SLC35F1: variants seen among roughly 807,000 people sequenced by gnomAD.
The protein encoded by SLC35F1 is chromosome 6 open reading frame 169.
Under a neutral mutation model 48.7 loss-of-function variants are expected in SLC35F1, and 14 were observed. The ratio of observed to expected loss-of-function variants is 0.29; its 90% CI spans 0.19 to 0.45. The LOEUF is 0.45. Among genes scored for constraint, SLC35F1 ranks in the 20% least tolerant of loss-of-function variants. SLC35F1 has a pLI of 1.00. For missense variants in SLC35F1, 404 were observed against 500.0 expected, an observed-to-expected ratio of 0.81 and a Z score of 1.83; for synonymous variants, 190 against 202.2, an observed-to-expected ratio of 0.94 and a Z score of 0.51.
intron 2 of SLC35F1, among the ~76,000 whole-genome samples, chr6:118,211,080 A>G (rs1774995753): frequency 6.6e-6 from 1 of 152,208 alleles, no homozygotes; most frequent in Non-Finnish European, 1.5e-5. Context: ...AGACACAGGG[A>G]CAGGACAGCC....
intron 2 of SLC35F1, 39 bp downstream of exon 2, chr6:118,154,659 A>G (rs185770023): frequency 6.5e-7 from 1 of 1,546,822 alleles, no homozygotes; most frequent in East Asian, 2.3e-5. Flanking sequence ...ACTTTTACAA[A>G]CACCTAAAAA....
rs1240008597 is a variant in SLC35F1 at position 118,194,598 on chromosome 6, G to A, written c.349+39978G>A. On this transcript the variant is annotated intron_variant, in intron 2 of 7. Transcript: ENST00000360388. The stretch of plus-strand genomic sequence containing the variant: ...AAGGTACCCCTCTTTATGACAGAAT[G>A]ACAAAGAAAGACAAATTCATATCAC... 3.9e-5 allele frequency among the ~76,000 whole-genome samples: 6 copies of A among 152,184 alleles called. No individual in the cohort carries two copies. The East Asian group carries it at 1.2e-3, about 29-fold the overall frequency.
chr6:118,169,365 A>C (rs1774366354), intron 2 of SLC35F1, among the ~76,000 whole-genome samples: 1 of 152,178 alleles, frequency 6.6e-6, no homozygotes, highest in African/African-American at 2.4e-5. Flanking sequence ...TATCTCCCAT[A>C]TATCTATGCA....
chr6:118,015,128 C>T (rs549880885), intron 1 of SLC35F1, among the ~76,000 whole-genome samples: 10 of 152,210 alleles, frequency 6.6e-5, no homozygotes, highest in South Asian at 4.2e-4. Flanking sequence ...ACATGCTTTT[C>T]GCCTTCTGCC....
In SLC35F1 at chr6:118,010,354, A is replaced by G. The variant is rs190840523; in HGVS notation, c.173+102455A>G. Among the ~76,000 whole-genome samples, 21 of 152,324 alleles carry G rather than the reference A, an allele frequency of 1.4e-4. No individual in the cohort carries two copies. In the East Asian group the frequency reaches 2.9e-3, roughly 21 times the overall value. ...TCTGTCTGCTCAGTTAGAGATGACC[A>G]TTCCTTCAATATTAATGCACTGCAA... On this transcript the variant is annotated intron_variant, in intron 1 of 7. Transcript: ENST00000360388.
intron 1 of SLC35F1, among the ~76,000 whole-genome samples, chr6:117,950,619 C>T (rs1248726485): frequency 6.6e-6 from 1 of 152,130 alleles, no homozygotes; most frequent in African/African-American, 2.4e-5. Flanking sequence ...ATGGCTCTGG[C>T]TATTGACTTA....
intron 2 of SLC35F1, among the ~76,000 whole-genome samples, chr6:118,163,257 C>T (rs906179837): frequency 6.6e-6 from 1 of 152,076 alleles, no homozygotes; most frequent in Non-Finnish European, 1.5e-5. Context: ...AGCCACCGTG[C>T]CTGGCCAATG....
intron 2 of SLC35F1, among the ~76,000 whole-genome samples, chr6:118,228,088 T>C (rs1332962647): frequency 1.3e-5 from 2 of 152,288 alleles, no homozygotes; most frequent in Admixed American, 1.3e-4. Flanking sequence ...AGCCAAAATA[T>C]CAAAGGGCTG....
intron 3 of SLC35F1, among the ~76,000 whole-genome samples, chr6:118,243,265 G>A (rs749491115): frequency 2.6e-5 from 4 of 152,100 alleles, no homozygotes; most frequent in Non-Finnish European, 5.9e-5. Context: ...TATGTCTAGA[G>A]TCTCATGTTT....
chr6:118,133,814 C>T lies in SLC35F1; in HGVS notation c.174-20631C>T, dbSNP rs570893086. Among the ~76,000 whole-genome samples, 8 of 152,324 alleles carry T rather than the reference C, an allele frequency of 5.3e-5. No individual in the cohort carries two copies. The South Asian group carries it at 1.7e-3, about 32-fold the overall frequency. ...GGTGACCATACCTGCCGTGACCTCC[C>T]TTGTCACAGTCTCTGGAACTGTGGG... On this transcript the variant is annotated intron_variant, in intron 1 of 7. Coordinates refer to ENST00000360388, the MANE Select transcript of SLC35F1 (RefSeq NM_001029858.4).
At chr6:118,232,457 A>G (rs1328703046) in intron 2 of SLC35F1, among the ~76,000 whole-genome samples, 1 of 149,598 alleles carries the variant, frequency 6.7e-6, no homozygotes, top group African/African-American at 2.5e-5. Flanking sequence ...CTGAGGCAGG[A>G]GAATCGCTTG....
At chr6:118,025,884 T>G (rs1771928525) in intron 1 of SLC35F1, among the ~76,000 whole-genome samples, 1 of 152,104 alleles carries the variant, frequency 6.6e-6, no homozygotes, top group South Asian at 2.1e-4. Flanking sequence ...AAAATAGAGG[T>G]CAGTAACACT....
chr6:118,100,240 A>G (rs1483835606), intron 1 of SLC35F1, among the ~76,000 whole-genome samples: 1 of 152,062 alleles, frequency 6.6e-6, no homozygotes, highest in Non-Finnish European at 1.5e-5. Context: ...TTATCCCTTT[A>G]TCAGGCATTC....
chr6:118,292,687 GT>G (rs11307519), intron 7 of SLC35F1, among the ~76,000 whole-genome samples: 95,179 of 144,876 alleles, frequency 0.66, 31,247 homozygotes, highest in Middle Eastern at 0.77. Context: ...TTATTTGGTT[GT>G]TTTTTTTTTT....
rs189332386 is a variant in SLC35F1, at chr6:117,983,673, C to G, written c.173+75774C>G. 1.3e-3 allele frequency among the ~76,000 whole-genome samples: 198 copies of G among 152,306 alleles called. 2 individuals carry two copies. The highest frequency in any genetic ancestry group is 1.3e-4 in the Non-Finnish European group (9 of 68,014). On this transcript the variant is annotated intron_variant, in intron 1 of 7. Coordinates refer to ENST00000360388, the MANE Select transcript of SLC35F1 (RefSeq NM_001029858.4). Reference sequence around the variant, plus strand: ...AAAAGTTTTTTCCTGATCCACAGAACTTTCCTCATTCTGACCTCACTGGCG... The same window carrying G: ...AAAAGTTTTTTCCTGATCCACAGAAGTTTCCTCATTCTGACCTCACTGGCG...
At chr6:118,190,724 A>G (rs1774721392) in intron 2 of SLC35F1, among the ~76,000 whole-genome samples, 1 of 152,176 alleles carries the variant, frequency 6.6e-6, no homozygotes, top group Non-Finnish European at 1.5e-5. Context: ...TGGGGAGGAT[A>G]ATACCAAGAG....
chr6:118,001,419 C>G (rs1777092398), intron 1 of SLC35F1, among the ~76,000 whole-genome samples: 1 of 152,254 alleles, frequency 6.6e-6, no homozygotes, highest in African/African-American at 2.4e-5. Context: ...GAAACTGGAT[C>G]CCTTCCTTAC....
At chr6:118,025,978 A>G (rs908376680) in intron 1 of SLC35F1, among the ~76,000 whole-genome samples, 1 of 152,200 alleles carries the variant, frequency 6.6e-6, no homozygotes, top group Non-Finnish European at 1.5e-5. Context: ...CATTCAACAC[A>G]TGCTTTTGGG....
chr6:118,112,150 G>A (rs1773416534), intron 1 of SLC35F1, among the ~76,000 whole-genome samples: 1 of 114,342 alleles, frequency 8.7e-6, no homozygotes, highest in African/African-American at 3.7e-5. Context: ...TCTTTTTTGA[G>A]ACGGTGTCTT....
Sources: gnomAD v4.1 joint callset for allele counts (sites outside exome capture counted in the v4.1 genomes callset) on GRCh38, gnomAD v4.1.1 for gene constraint, MANE v1.5 for transcripts, NCBI Gene and HGNC (gene_info 2026-07-23, HGNC 2026-07-21) for gene names.